RYR3: variants seen among roughly 807,000 people sequenced by gnomAD.
The protein encoded by RYR3 is ryanodine receptor 3.
A neutral mutation model predicts 584.3 loss-of-function variants in RYR3; 207 were observed. The observed-to-expected ratio is 0.35, with a 90% CI of 0.32 to 0.40. RYR3 has a LOEUF of 0.40. Among genes scored for constraint, RYR3 ranks in the 10% least tolerant of loss-of-function variants. RYR3 has a pLI of 1.00. For missense variants in RYR3, 5,616 were observed against 6,089.2 expected, an observed-to-expected ratio of 0.92 and a Z score of 2.59; for synonymous variants, 2,416 against 2,248.5, an observed-to-expected ratio of 1.07 and a Z score of -2.11.
chr15:33,389,553 A>G (rs2041858134), intron 1 of RYR3, among the ~76,000 whole-genome samples: 1 of 152,244 alleles, frequency 6.6e-6, no homozygotes, highest in African/African-American at 2.4e-5. Flanking sequence ...TAAGAATTTA[A>G]TACACAGATT....
At chr15:33,496,019 C>T (rs2051387362) in intron 2 of RYR3, among the ~76,000 whole-genome samples, 1 of 152,184 alleles carries the variant, frequency 6.6e-6, no homozygotes, top group African/African-American at 2.4e-5. Flanking sequence ...CTCCACCTAT[C>T]CTGATGCTGT....
chr15:33,562,332 T>C (rs967062324), intron 10 of RYR3, among the ~76,000 whole-genome samples: 3 of 152,234 alleles, frequency 2.0e-5, no homozygotes, highest in Non-Finnish European at 4.4e-5. Flanking sequence ...TATTAACCCC[T>C]GCGTATTCAA....
At chr15:33,574,159 C>T (rs1409170739) in intron 12 of RYR3, among the ~76,000 whole-genome samples, 1 of 152,206 alleles carries the variant, frequency 6.6e-6, no homozygotes, top group East Asian at 1.9e-4. Flanking sequence ...AGATTTCCAA[C>T]TCCCTGTGTG....
intron 19 of RYR3, 57 bp downstream of exon 19, chr15:33,613,432 A>G: frequency 2.0e-6 from 3 of 1,508,264 alleles, no homozygotes; most frequent in Non-Finnish European, 2.7e-6. Context: ...CCCCGCCACC[A>G]CTGTGAGCTG....
rs573645548 is a variant in RYR3 at position 33,854,021 on chromosome 15, G to A, written c.13799+339G>A. ...AGCCTGGCCAACATAGTGAAACCCCGTCTCTACTAATAATATTTTTAAAAA... is the reference window on the plus strand; with the variant it reads ...AGCCTGGCCAACATAGTGAAACCCCATCTCTACTAATAATATTTTTAAAAA... On this transcript the variant is annotated intron_variant, in intron 96 of 103. Coordinates refer to ENST00000634891, the MANE Select transcript of RYR3 (RefSeq NM_001036.6). 1.3e-3 allele frequency among the ~76,000 whole-genome samples: 205 copies of A among 152,080 alleles called. 2 individuals are homozygous for A. Among genetic ancestry groups the A allele is most frequent in the African/African-American group, 4.7e-3 (196 of 41,486 alleles).
chr15:33,864,074 T>A (rs1889522322), intron 102 of RYR3, 64 bp from the exon 103 acceptor site: 1 of 1,237,034 alleles, frequency 8.1e-7, no homozygotes, highest in African/African-American at 1.5e-5. Flanking sequence ...TGATCACAGT[T>A]AATCCATGCG....
At position 33,837,912 on chromosome 15, in the gene RYR3, G is replaced by A. The variant is rs745668291; in HGVS notation, c.11932G>A (p.Asp3978Asn). The A allele has an allele frequency of 6.2e-7, 1 of 1,614,010 alleles. No individual in the cohort carries two copies. The highest frequency in any genetic ancestry group is 2.2e-5 in the East Asian group (1 of 44,884). Residue 3978 changes from aspartate (D) to asparagine (N), a missense_variant, in exon 89 of 104, where the codon GAT becomes AAT. Around this residue, in one of 9 missense-constraint regions of RYR3, gnomAD observed 258 missense variants for 297.3 expected, o/e 0.87. Transcript: ENST00000634891. Reference sequence around the variant, plus strand: ...TGAGAATGACATGTTTAATTACGTTGATTTTGTAGACCGGTTCCATGAGCC... The same window carrying A: ...TGAGAATGACATGTTTAATTACGTTAATTTTGTAGACCGGTTCCATGAGCC... ...ADENDMFNYVDFVDRFHEPAK... is the reference protein window; with the variant it reads ...ADENDMFNYVNFVDRFHEPAK...
At chr15:33,551,399 C>A (rs1193011784) in intron 10 of RYR3, among the ~76,000 whole-genome samples, 1 of 152,160 alleles carries the variant, frequency 6.6e-6, no homozygotes. Context: ...AGGCTGACAG[C>A]TGAATTTTCT....
At chr15:33,819,874 G>T in intron 77 of RYR3, 67 bp downstream of exon 77, 1 of 1,289,394 alleles carries the variant, frequency 7.8e-7, no homozygotes. Flanking sequence ...TTAGGCGCAT[G>T]AAAATTGTCA....
intron 38 of RYR3, among the ~76,000 whole-genome samples, chr15:33,674,101 T>C (rs1472970637): frequency 1.3e-5 from 2 of 152,210 alleles, no homozygotes; most frequent in Non-Finnish European, 2.9e-5. Flanking sequence ...AGTCCTTACG[T>C]ATGTTACCTC....
intron 67 of RYR3, among the ~76,000 whole-genome samples, chr15:33,795,946 T>G (rs1290743449): frequency 2.0e-5 from 3 of 152,148 alleles, no homozygotes; most frequent in Non-Finnish European, 2.9e-5. Flanking sequence ...TGAAAACCTA[T>G]CTCTCAAACT....
chr15:33,460,940 C>CTTTTTTTTTTTTTTTTTTTTTT lies in RYR3; in HGVS notation c.52-12478_52-12457dup, dbSNP rs66742049. 1.1e-4 allele frequency among the ~76,000 whole-genome samples: 9 copies of CTTTTTTTTTTTTTTTTTTTTTT among 79,208 alleles called. 2 individuals are homozygous for CTTTTTTTTTTTTTTTTTTTTTT. Among genetic ancestry groups the CTTTTTTTTTTTTTTTTTTTTTT allele is most frequent in the East Asian group, 9.1e-4 (2 of 2,202 alleles). 52.0% of individuals were successfully genotyped at this position (79,208 alleles called of 152,430 possible). ...GGAATTTGTGGCACATAATATCCACCTTTTTTTTTTTTTTTTTTTTTTAAG... is the reference window on the plus strand; with the variant it reads ...GGAATTTGTGGCACATAATATCCACCTTTTTTTTTTTTTTTTTTTTTTTTTTTTTTTTTTTTTTTTTTTTAAG... On this transcript the variant is annotated intron_variant, in intron 1 of 103. Transcript: ENST00000634891.
rs749528525 is a variant in RYR3 at position 33,473,301 on chromosome 15, C to A, written c.52-118C>A. The A allele has an allele frequency of 1.1e-5, 13 of 1,217,564 alleles. 1 individual carries two copies. In the Admixed American group the frequency reaches 1.7e-4, roughly 16 times the overall value. 75.4% of individuals were successfully genotyped at this position (1,217,564 alleles called of 1,614,324 possible). ...CCGTAATCAGGTTTAAAAATAAAAACAAAAAGCACGTGGCTGTCAGGGATT... is the reference window on the plus strand; with the variant it reads ...CCGTAATCAGGTTTAAAAATAAAAAAAAAAAGCACGTGGCTGTCAGGGATT... On this transcript the variant is annotated intron_variant, in intron 1 of 103. Transcript: ENST00000634891.
chr15:33,536,107 A>C (rs574121378), intron 5 of RYR3, among the ~76,000 whole-genome samples: 1 of 152,334 alleles, frequency 6.6e-6, no homozygotes, highest in South Asian at 2.1e-4. Context: ...GAGGAGGTTC[A>C]CACGGAATCC....
chr15:33,819,491 G>A (rs1348478121), intron 76 of RYR3, among the ~76,000 whole-genome samples: 1 of 151,844 alleles, frequency 6.6e-6, no homozygotes, highest in African/African-American at 2.4e-5. Flanking sequence ...GGCCAATATG[G>A]TGAAACCCCA....
intron 1 of RYR3, among the ~76,000 whole-genome samples, chr15:33,454,364 A>ATATTTT (rs759843565): frequency 1.1e-4 from 16 of 152,232 alleles, no homozygotes; most frequent in Non-Finnish European, 1.8e-4. Flanking sequence ...TTCCCCATAC[A>ATATTTT]GTAGCCTGGG....
In RYR3 at chr15:33,646,450, C is replaced by T. The variant is rs2062108055; in HGVS notation, c.3865C>T (p.Arg1289Cys). ...QNSNADMIYC[R>C]LSMPVECHSS... ...TAGCAATGCCGACATGATCTATTGCCGCTTGAGCATGCCTGTCGAGTGCCA... is the reference window on the plus strand; with the variant it reads ...TAGCAATGCCGACATGATCTATTGCTGCTTGAGCATGCCTGTCGAGTGCCA... Residue 1289 changes from arginine to cysteine, a missense_variant, in exon 29 of 104, where the codon CGC (arginine) becomes TGC (cysteine). Arg to Cys is a radical substitution (Grantham distance 180). This residue lies in a region of RYR3 where 753 missense variants were observed against 741.0 expected (regional missense o/e 1.02). Transcript: ENST00000634891. 1 of 1,613,872 alleles carries T rather than the reference C, an allele frequency of 6.2e-7. No individual in the cohort carries two copies. Among genetic ancestry groups the T allele is most frequent in the Admixed American group, 1.7e-5 (1 of 60,006 alleles).
At chr15:33,779,646 C>T (rs1291084409) in intron 64 of RYR3, among the ~76,000 whole-genome samples, 2 of 152,142 alleles carry the variant, frequency 1.3e-5, no homozygotes, top group Non-Finnish European at 2.9e-5. Context: ...AGAACTTGCT[C>T]TCACACATGC....
At chr15:33,474,759 A>G (rs775317250) in intron 2 of RYR3, among the ~76,000 whole-genome samples, 6 of 152,240 alleles carry the variant, frequency 3.9e-5, no homozygotes, top group Admixed American at 6.5e-5. Flanking sequence ...TTGGCATGCC[A>G]TTTTCCACAT....
Sources: allele counts gnomAD v4.1 joint callset (sites outside exome capture counted in the v4.1 genomes callset), GRCh38; gene constraint gnomAD v4.1.1; regional missense constraint gnomAD v4.1.1; transcripts MANE v1.5; gene names NCBI Gene and HGNC (gene_info 2026-07-23, HGNC 2026-07-21).